The following HMGCLL1 variants were observed in gnomAD, a reference collection of about 807,000 sequenced individuals.
HMGCLL1 encodes the protein 3-hydroxy-3-methylglutaryl-CoA lyase like 1, also known as 3-hydroxymethyl-3-methylglutaryl-CoA lyase, cytoplasmic.
In HMGCLL1, 36 loss-of-function variants were observed where a neutral mutation model predicts 39.1. The ratio of observed to expected loss-of-function variants is 0.92; its 90% CI spans 0.71 to 1.22. The LOEUF (loss-of-function observed/expected upper bound fraction) is 1.22. Ranked by LOEUF, HMGCLL1 falls within the 50% of genes most tolerant of loss-of-function variation. The pLI is 0.00. For synonymous variants in HMGCLL1, 149 were observed against 144.0 expected, an observed-to-expected ratio of 1.03 and a Z score of -0.25; for missense variants, 451 against 416.5, an observed-to-expected ratio of 1.08 and a Z score of -0.72.
At chr6:55,611,595 C>G in the HMGCLL1 span, among the ~76,000 whole-genome samples, 1 of 152,222 alleles carries the variant, frequency 6.6e-6, no homozygotes, top group Non-Finnish European at 1.5e-5. Flanking sequence ...TCCAAGAGTA[C>G]CTCAAAAAGC....
chr6:55,503,480 C>CT (rs70986722), intron 5 of HMGCLL1, among the ~76,000 whole-genome samples: 10 of 150,928 alleles, frequency 6.6e-5, no homozygotes, highest in Admixed American at 6.0e-4. Flanking sequence ...AAACCTGAGA[C>CT]TTTTTTTTTC....
the HMGCLL1 span, among the ~76,000 whole-genome samples, chr6:55,632,938 T>A: frequency 6.6e-6 from 1 of 152,120 alleles, no homozygotes; most frequent in Non-Finnish European, 1.5e-5. Context: ...GGAAACCACA[T>A]AAAGCTGCAT....
At chr6:55,577,046 T>G (rs763849161) in intron 1 of HMGCLL1, 1 of 1,612,144 alleles carries the variant, frequency 6.2e-7, no homozygotes, top group Non-Finnish European at 8.5e-7. Context: ...CTAGGAAGAG[T>G]GTAGATAGTG....
the HMGCLL1 span, among the ~76,000 whole-genome samples, chr6:55,651,802 G>C: frequency 6.6e-6 from 1 of 152,084 alleles, no homozygotes; most frequent in Non-Finnish European, 1.5e-5. Flanking sequence ...ACTAGGGCTG[G>C]TCTAAATGTT....
chr6:55,548,287 G>T (rs1279548587), intron 1 of HMGCLL1, among the ~76,000 whole-genome samples: 1 of 151,954 alleles, frequency 6.6e-6, no homozygotes, highest in East Asian at 1.9e-4. Flanking sequence ...CTCTAGAAAT[G>T]ATAAAAGCCC....
In HMGCLL1 at chr6:55,516,550, G is replaced by C. The variant is rs201853191; in HGVS notation, c.351C>G (p.Arg117=). ...MKGIHQYPGV[R]YPVLTPNLQG... ...GAAGATTAGGAGTAAGGACAGGATA[G>C]CGAACTCCTGGATATTGATGAATGC... The change falls in exon 4 of 9, where the codon CGC becomes CGG. Residue 117 remains arginine, a synonymous_variant. Coordinates refer to ENST00000274901, the MANE Select transcript of HMGCLL1 (RefSeq NM_001042406.2). 3 of 1,602,740 alleles carry C rather than the reference G, an allele frequency of 1.9e-6. No homozygotes were observed. Among genetic ancestry groups the C allele is most frequent in the Non-Finnish European group, 1.7e-6 (2 of 1,172,670 alleles).
upstream of HMGCLL1, among the ~76,000 whole-genome samples, chr6:55,580,373 G>A (rs1468678904): frequency 3.6e-5 from 5 of 139,680 alleles, no homozygotes; most frequent in Non-Finnish European, 6.2e-5. Context: ...TCTTCTCACA[G>A]TTAACCAAGG....
chr6:55,608,445 G>A, the HMGCLL1 span, among the ~76,000 whole-genome samples: 1 of 151,974 alleles, frequency 6.6e-6, no homozygotes, highest in African/African-American at 2.4e-5. Flanking sequence ...AGAGAATCAG[G>A]CATTTTTCAG....
chr6:55,496,875 T>C (rs1240988509), intron 6 of HMGCLL1, among the ~76,000 whole-genome samples: 1 of 152,098 alleles, frequency 6.6e-6, no homozygotes, highest in Non-Finnish European at 1.5e-5. Context: ...AGTAGTTAAG[T>C]TTTGGGAGCA....
chr6:55,482,903 TA>T (rs1383333755), intron 7 of HMGCLL1, among the ~76,000 whole-genome samples: 1 of 151,976 alleles, frequency 6.6e-6, no homozygotes, highest in Non-Finnish European at 1.5e-5. Context: ...TATATGCAAA[TA>T]AATATAAGAA....
At chr6:55,650,057 T>TTATATATATATA in the HMGCLL1 span, among the ~76,000 whole-genome samples, 28 of 76,078 alleles carry the variant, frequency 3.7e-4, no homozygotes, top group African/African-American at 1.3e-3. Context: ...GTCTGAAAGG[T>TTATATATATATA]TATATATATA....
the HMGCLL1 span, among the ~76,000 whole-genome samples, chr6:55,624,765 C>T: frequency 6.6e-6 from 1 of 152,118 alleles, no homozygotes; most frequent in Non-Finnish European, 1.5e-5. Flanking sequence ...TTGAGATAGT[C>T]TTACTAAGAT....
the HMGCLL1 span, among the ~76,000 whole-genome samples, chr6:55,675,473 G>T: frequency 6.6e-6 from 1 of 152,144 alleles, no homozygotes; most frequent in East Asian, 1.9e-4. Context: ...TGTCTTCTCA[G>T]GTGTCAGTGG....
At chr6:55,614,223 C>T in the HMGCLL1 span, among the ~76,000 whole-genome samples, 2 of 152,100 alleles carry the variant, frequency 1.3e-5, no homozygotes, top group Non-Finnish European at 2.9e-5. Flanking sequence ...CCTTAACCCT[C>T]CATGTAATGA....
At chr6:55,533,128 A>G (rs1768783474) in intron 3 of HMGCLL1, among the ~76,000 whole-genome samples, 1 of 151,612 alleles carries the variant, frequency 6.6e-6, no homozygotes, top group Non-Finnish European at 1.5e-5. Context: ...AAGATATAGT[A>G]AATAATACCA....
chr6:55,588,793 C>A, the HMGCLL1 span, among the ~76,000 whole-genome samples: 52 of 152,218 alleles, frequency 3.4e-4, no homozygotes, highest in East Asian at 8.5e-3. Context: ...TGCAAATAAA[C>A]TAGAAAATCT....
At chr6:55,635,264 T>C in the HMGCLL1 span, among the ~76,000 whole-genome samples, 38 of 152,160 alleles carry the variant, frequency 2.5e-4, no homozygotes, top group Admixed American at 3.9e-4. Context: ...GTAGGGTAAA[T>C]AGACAACTGA....
At chr6:55,650,108 T>TATACACACATATAC in the HMGCLL1 span, among the ~76,000 whole-genome samples, 1 of 75,814 alleles carries the variant, frequency 1.3e-5, no homozygotes, top group African/African-American at 5.3e-5. Flanking sequence ...TATATATATA[T>TATACACACATATAC]ATATATATAT....
chr6:55,551,635 T>C (rs1770332574), intron 1 of HMGCLL1, among the ~76,000 whole-genome samples: 1 of 151,950 alleles, frequency 6.6e-6, no homozygotes, highest in South Asian at 2.1e-4. Context: ...GATACAGGGG[T>C]GATGGCCTCA....
Sources: gnomAD v4.1 joint callset for allele counts (sites outside exome capture counted in the v4.1 genomes callset) on GRCh38, gnomAD v4.1.1 for gene constraint, MANE v1.5 for transcripts, NCBI Gene and HGNC (gene_info 2026-07-23, HGNC 2026-07-21) for gene names.